Variants in ATP8A2 observed in about 807,000 individuals in gnomAD.
ATP8A2 encodes the protein ATPase phospholipid transporting 8A2.
A neutral mutation model predicts 165.6 loss-of-function variants in ATP8A2; 100 were observed. The ratio of observed to expected loss-of-function variants is 0.60; its 90% confidence interval spans 0.51 to 0.71. The LOEUF (loss-of-function observed/expected upper bound fraction) is 0.71, where lower values mean the gene tolerates loss of function less well. Among genes scored for constraint, ATP8A2 ranks in the 30% least tolerant of loss-of-function variants. The pLI is 0.00. For synonymous variants in ATP8A2, 543 were observed against 548.8 expected, an observed-to-expected ratio of 0.99 and a Z score of 0.15; for missense variants, 1,227 against 1,479.5, an observed-to-expected ratio of 0.83 and a Z score of 2.80.
At chr13:25,411,043 G>A (rs1434775306) in intron 1 of ATP8A2, among the ~76,000 whole-genome samples, 1 of 152,122 alleles carries the variant, frequency 6.6e-6, no homozygotes, top group Non-Finnish European at 1.5e-5. Context: ...TAATCTCTCA[G>A]GTAGGTCCTT....
intron 24 of ATP8A2, among the ~76,000 whole-genome samples, chr13:25,631,401 G>A (rs945086295): frequency 6.6e-6 from 1 of 152,126 alleles, no homozygotes; most frequent in African/African-American, 2.4e-5. Context: ...ACCAAATACA[G>A]TTCTTCCTGA....
Position 25,452,549 on chromosome 13 carries a change from T to C in ATP8A2, c.77-16428T>C, listed in dbSNP as rs2035257686. On this transcript the variant is annotated intron_variant, in intron 1 of 36. Coordinates refer to ENST00000381655, the MANE Select transcript of ATP8A2 (RefSeq NM_016529.6). ...ACCCCGTTTCAGGCTGTATTAAGTA[T>C]ACATTAGTAATTCACTGGCTATAAA... Among the ~76,000 whole-genome samples, 3 of 152,322 alleles carry C rather than the reference T, an allele frequency of 2.0e-5. No homozygotes were observed. In the South Asian group the frequency reaches 6.2e-4, roughly 32 times the overall value.
intron 24 of ATP8A2, among the ~76,000 whole-genome samples, chr13:25,648,654 T>G (rs909308815): frequency 1.2e-4 from 18 of 152,144 alleles, no homozygotes; most frequent in African/African-American, 9.7e-5. Flanking sequence ...CAGAGTGATA[T>G]TCCATCTCAA....
intron 27 of ATP8A2, among the ~76,000 whole-genome samples, chr13:25,821,300 G>T (rs962570641): frequency 6.6e-6 from 1 of 152,262 alleles, no homozygotes; most frequent in South Asian, 2.1e-4. Context: ...TGTCAACAAG[G>T]TCAGTTCATG....
chr13:25,821,439 T>C (rs1951177877), intron 27 of ATP8A2, among the ~76,000 whole-genome samples: 1 of 152,216 alleles, frequency 6.6e-6, no homozygotes, highest in Admixed American at 6.5e-5. Context: ...AAGTTATGTG[T>C]TTGTTTTCAG....
At chr13:25,763,938 G>C (rs964576205) in intron 25 of ATP8A2, among the ~76,000 whole-genome samples, 1 of 152,152 alleles carries the variant, frequency 6.6e-6, no homozygotes, top group Non-Finnish European at 1.5e-5. Flanking sequence ...TCACATGTTT[G>C]TATATCTATC....
intron 1 of ATP8A2, among the ~76,000 whole-genome samples, chr13:25,382,694 T>A (rs2032881023): frequency 6.6e-6 from 1 of 152,338 alleles, no homozygotes; most frequent in African/African-American, 2.4e-5. Flanking sequence ...ACGTTGAGAA[T>A]CTTTCCATAT....
At chr13:25,788,093 G>A (rs1322519331) in intron 27 of ATP8A2, among the ~76,000 whole-genome samples, 1 of 152,186 alleles carries the variant, frequency 6.6e-6, no homozygotes, top group Non-Finnish European at 1.5e-5. Context: ...GGCCAGCTGT[G>A]GGACCTAGTT....
chr13:25,768,383 G>C (rs2044541523), intron 25 of ATP8A2, among the ~76,000 whole-genome samples: 1 of 151,994 alleles, frequency 6.6e-6, no homozygotes, highest in Non-Finnish European at 1.5e-5. Context: ...CCTATGCAGG[G>C]GCTGATCTTC....
chr13:25,921,769 A>G (rs569118149), intron 33 of ATP8A2, among the ~76,000 whole-genome samples: 1 of 152,356 alleles, frequency 6.6e-6, no homozygotes, highest in South Asian at 2.1e-4. Flanking sequence ...GATATGTTGT[A>G]GAACCGTATA....
chr13:26,012,361 T>C (rs1956866991), intron 35 of ATP8A2, among the ~76,000 whole-genome samples, 170 bp from the exon 36 acceptor site: 1 of 151,988 alleles, frequency 6.6e-6, no homozygotes, highest in Admixed American at 6.5e-5. Flanking sequence ...GAGCCAGCAT[T>C]GAGGCGCCCA....
At chr13:25,530,812 A>G (rs188696277) in intron 4 of ATP8A2, 152 bp downstream of exon 4, 2 of 605,692 alleles carry the variant, frequency 3.3e-6, no homozygotes. Flanking sequence ...GAGTTAATGT[A>G]TACTCAGAGT....
chr13:25,644,053 T>C (rs1593124469), intron 24 of ATP8A2, among the ~76,000 whole-genome samples: 1 of 152,118 alleles, frequency 6.6e-6, no homozygotes, highest in African/African-American at 2.4e-5. Flanking sequence ...GAATGTTCAT[T>C]GTTAGTGTAT....
intron 27 of ATP8A2, among the ~76,000 whole-genome samples, chr13:25,816,911 C>G (rs376043514): frequency 6.6e-6 from 1 of 152,162 alleles, no homozygotes; most frequent in Non-Finnish European, 1.5e-5. Context: ...CAGCCAGGCA[C>G]TAAATCTTAC....
At chr13:25,679,867 C>A (rs931219025) in intron 24 of ATP8A2, among the ~76,000 whole-genome samples, 1 of 151,324 alleles carries the variant, frequency 6.6e-6, no homozygotes, top group Non-Finnish European at 1.5e-5. Context: ...TTGTTGATTG[C>A]GGATTAGGAA....
chr13:25,562,092 G>T (rs1208735983), intron 15 of ATP8A2, among the ~76,000 whole-genome samples: 3 of 152,046 alleles, frequency 2.0e-5, no homozygotes, highest in African/African-American at 7.2e-5. Flanking sequence ...CGACATACAG[G>T]TATCTGTTTC....
At chr13:25,409,537 C>T (rs553366279) in intron 1 of ATP8A2, among the ~76,000 whole-genome samples, 1 of 152,168 alleles carries the variant, frequency 6.6e-6, no homozygotes, top group Non-Finnish European at 1.5e-5. Flanking sequence ...ATGGATTCAT[C>T]ATGAGCTTCA....
chr13:25,689,584 A>C (rs976437961), intron 24 of ATP8A2, among the ~76,000 whole-genome samples: 3 of 152,186 alleles, frequency 2.0e-5, no homozygotes, highest in Non-Finnish European at 4.4e-5. Flanking sequence ...TTATTTGTTA[A>C]AGTTGAAAAT....
At position 25,876,965 on chromosome 13, in the gene ATP8A2, A is replaced by C. The variant is rs115788382; in HGVS notation, c.3183+14557A>C. 4.0e-3 allele frequency among the ~76,000 whole-genome samples: 608 copies of C among 152,286 alleles called. 2 individuals are homozygous for C. The highest frequency in any genetic ancestry group is 0.014 in the African/African-American group (580 of 41,558). Reference sequence around the variant, plus strand: ...ATTGCTGAAATTGTTTCGAACAGGAAATATAAAATCAAGAAGCAACTTTAA... The same window carrying C: ...ATTGCTGAAATTGTTTCGAACAGGACATATAAAATCAAGAAGCAACTTTAA... On this transcript the variant is annotated intron_variant, in intron 33 of 36. Coordinates refer to ENST00000381655, the MANE Select transcript of ATP8A2 (RefSeq NM_016529.6).
Sources: allele counts gnomAD v4.1 joint callset (sites outside exome capture counted in the v4.1 genomes callset), GRCh38; gene constraint gnomAD v4.1.1; transcripts MANE v1.5; gene names NCBI Gene and HGNC (gene_info 2026-07-23, HGNC 2026-07-21).